ARAP2: variants seen among roughly 807,000 people sequenced by gnomAD.
ARAP2 encodes the protein ArfGAP with RhoGAP domain, ankyrin repeat and PH domain 2, also known as arf-GAP with Rho-GAP domain, ANK repeat and PH domain-containing protein 2.
A neutral mutation model predicts 194.5 loss-of-function variants in ARAP2; 148 were observed. That is an observed-to-expected ratio of 0.76 (90% CI 0.67 to 0.87). The LOEUF (loss-of-function observed/expected upper bound fraction) is 0.87, where lower values mean the gene tolerates loss of function less well. Ranked by LOEUF, ARAP2 falls within the 40% of genes least tolerant of loss-of-function variation. The probability of loss-of-function intolerance (pLI) is 0.00; values close to 1 mark genes in which losing one functional copy is unlikely to be tolerated. For missense variants in ARAP2, 2,128 were observed against 1,989.7 expected, an observed-to-expected ratio of 1.07 and a Z score of -1.32; for synonymous variants, 695 against 683.5, an observed-to-expected ratio of 1.02 and a Z score of -0.26.
At chr4:36,173,004 G>A (rs763482344) in intron 9 of ARAP2, among the ~76,000 whole-genome samples, 1 of 152,080 alleles carries the variant, frequency 6.6e-6, no homozygotes, top group African/African-American at 2.4e-5. Context: ...ATGTTGGGGG[G>A]GAATGAGGGA....
chr4:36,230,043 G>A (rs558374608), intron 1 of ARAP2, among the ~76,000 whole-genome samples: 1 of 152,276 alleles, frequency 6.6e-6, no homozygotes, highest in Non-Finnish European at 1.5e-5. Context: ...GAATAGGATA[G>A]CTAGCTTAGA....
intron 2 of ARAP2, among the ~76,000 whole-genome samples, chr4:36,222,725 T>C (rs764391710): frequency 1.4e-4 from 19 of 136,458 alleles, no homozygotes; most frequent in Non-Finnish European, 2.4e-4. Flanking sequence ...TATGGCAAGA[T>C]TTTTTTTTTA....
Position 36,161,579 on chromosome 4 carries a change from T to C in ARAP2, c.2174-29A>G, listed in dbSNP as rs538543363. 2.2e-4 allele frequency: 334 copies of C among 1,547,328 alleles called. 3 individuals are homozygous for C. In the South Asian group the frequency reaches 3.6e-3, roughly 17 times the overall value. Reference sequence around the variant, plus strand: ...GAGTCAAAACACAATTGCATTTCTATTTTAATTTGTATGTAAATTTATTTT... The same window carrying C: ...GAGTCAAAACACAATTGCATTTCTACTTTAATTTGTATGTAAATTTATTTT... On this transcript the variant is annotated intron_variant, in intron 11 of 32. Transcript: ENST00000303965.
At chr4:36,238,530 T>C (rs1752867049) in intron 1 of ARAP2, among the ~76,000 whole-genome samples, 1 of 152,180 alleles carries the variant, frequency 6.6e-6, no homozygotes. Context: ...GACTTAATAG[T>C]CTCCCTCTCC....
At chr4:36,121,906 G>C (rs1478365598) in intron 22 of ARAP2, among the ~76,000 whole-genome samples, 1 of 151,590 alleles carries the variant, frequency 6.6e-6, no homozygotes, top group African/African-American at 2.4e-5. Flanking sequence ...CATTTTTCTT[G>C]GATATAACTA....
chr4:36,014,309 G>GAAAGAGA (rs1560264746), intron 8 of ARAP2, among the ~76,000 whole-genome samples: 1 of 85,244 alleles, frequency 1.2e-5, no homozygotes, highest in South Asian at 3.8e-4. Context: ...AGAGAAGGAA[G>GAAAGAGA]GAAAGAAAGA....
chr4:36,051,217 A>G (rs572037295), intron 3 of ARAP2, among the ~76,000 whole-genome samples: 12 of 152,300 alleles, frequency 7.9e-5, no homozygotes, highest in African/African-American at 2.9e-4. Context: ...ATGCATAACA[A>G]TGGGCCAGGC....
chr4:36,066,389 C>CT lies in ARAP2; in HGVS notation c.*1517dup. 6.6e-6 allele frequency: 1 copy of CT among 152,140 alleles called. No individual in the cohort carries two copies. The highest frequency in any genetic ancestry group is 1.5e-5 in the Non-Finnish European group (1 of 67,998). 9.4% of individuals were successfully genotyped at this position (152,140 alleles called of 1,614,324 possible). A position where few individuals can be genotyped will look rare whatever the true frequency, so the allele number is the denominator to read the frequency against. On this transcript the variant is annotated 3_prime_UTR_variant, in exon 33 of 33. Coordinates refer to ENST00000303965, the MANE Select transcript of ARAP2 (RefSeq NM_015230.4). ...TGTGCTTTTTAAAAATTCTAATTTA[C>CT]TTTGATTTAAAGAATAAATATCTCA...
intron 20 of ARAP2, among the ~76,000 whole-genome samples, chr4:36,132,958 T>C (rs1229271028): frequency 6.6e-6 from 1 of 151,804 alleles, no homozygotes; most frequent in Non-Finnish European, 1.5e-5. Flanking sequence ...ACTATTTTTA[T>C]GTACATATTA....
At chr4:36,194,331 A>G (rs1205773327) in intron 6 of ARAP2, among the ~76,000 whole-genome samples, 2 of 152,210 alleles carry the variant, frequency 1.3e-5, no homozygotes, top group African/African-American at 4.8e-5. Flanking sequence ...GGAAGAAGTG[A>G]AGAACTGTTT....
At chr4:36,080,933 A>G (rs1351576512) in intron 30 of ARAP2, among the ~76,000 whole-genome samples, 1 of 152,168 alleles carries the variant, frequency 6.6e-6, no homozygotes, top group Non-Finnish European at 1.5e-5. Context: ...CATAGAAACC[A>G]CAGACTTGGG....
intron 5 of ARAP2, among the ~76,000 whole-genome samples, chr4:36,045,810 A>G (rs1270773864): frequency 6.6e-6 from 1 of 152,192 alleles, no homozygotes; most frequent in African/African-American, 2.4e-5. Flanking sequence ...TTGTACCCCA[A>G]AAAGATATGC....
At chr4:36,070,127 A>G (rs1471288351) in intron 32 of ARAP2, among the ~76,000 whole-genome samples, 1 of 152,160 alleles carries the variant, frequency 6.6e-6, no homozygotes. Flanking sequence ...CTTTATAGCA[A>G]TGAGGGAATA....
chr4:36,224,696 C>T (rs1469680949), intron 2 of ARAP2, among the ~76,000 whole-genome samples: 1 of 152,044 alleles, frequency 6.6e-6, no homozygotes, highest in Non-Finnish European at 1.5e-5. Flanking sequence ...AATCTAACTT[C>T]TATTTAAATT....
chr4:36,077,571 C>T (rs1728535205), intron 31 of ARAP2, among the ~76,000 whole-genome samples: 1 of 152,042 alleles, frequency 6.6e-6, no homozygotes, highest in African/African-American at 2.4e-5. Flanking sequence ...TTGGCTCTAC[C>T]TTCAAAATAT....
Position 36,122,212 on chromosome 4 carries a change from T to C in ARAP2, c.3747-886A>G, listed in dbSNP as rs118085269. Among the ~76,000 whole-genome samples the C allele has an allele frequency of 5.0e-3, 762 of 151,848 alleles. 20 individuals are homozygous for C. Among genetic ancestry groups the C allele is most frequent in the Admixed American group, 0.042 (631 of 15,174 alleles). On this transcript the variant is annotated intron_variant, in intron 22 of 32. Transcript: ENST00000303965. ...ACCACTGTAGAAGACAGTGTGGCAATTTCTCAAAGACCTAAAGACAGAAAT... is the reference window on the plus strand; with the variant it reads ...ACCACTGTAGAAGACAGTGTGGCAACTTCTCAAAGACCTAAAGACAGAAAT...
intron 21 of ARAP2, among the ~76,000 whole-genome samples, chr4:36,127,036 A>G (rs377430300): frequency 1.2e-4 from 18 of 151,956 alleles, no homozygotes; most frequent in East Asian, 5.8e-4. Flanking sequence ...AGGTCTCACT[A>G]TATTGCCCAG....
chr4:36,154,243 AT>A (rs1731702485), intron 15 of ARAP2, among the ~76,000 whole-genome samples: 1 of 152,192 alleles, frequency 6.6e-6, no homozygotes, highest in Non-Finnish European at 1.5e-5. Context: ...TCCTAAATTA[AT>A]AGTATTCGGC....
At chr4:36,155,922 T>C (rs1050960845) in intron 15 of ARAP2, among the ~76,000 whole-genome samples, 1 of 152,148 alleles carries the variant, frequency 6.6e-6, no homozygotes, top group African/African-American at 2.4e-5. Context: ...TCTTCCTATG[T>C]AGCCCAAGCT....
Sources: gnomAD v4.1 joint callset for allele counts (sites outside exome capture counted in the v4.1 genomes callset) on GRCh38, gnomAD v4.1.1 for gene constraint, MANE v1.5 for transcripts, NCBI Gene and HGNC (gene_info 2026-07-23, HGNC 2026-07-21) for gene names.